The following IPP variants were observed in gnomAD, a reference collection of about 807,000 sequenced individuals.
The protein encoded by IPP is actin-binding protein IPP.
Under a neutral mutation model 64.1 loss-of-function variants are expected in IPP, and 41 were observed. The ratio of observed to expected loss-of-function variants is 0.64; its 90% CI spans 0.50 to 0.83. The LOEUF is 0.83. Among genes scored for constraint, IPP ranks in the 40% least tolerant of loss-of-function variants. The probability of loss-of-function intolerance (pLI) is 0.00; values close to 1 mark genes in which losing one functional copy is unlikely to be tolerated. For missense variants in IPP, 649 were observed against 703.0 expected (o/e 0.92, Z 0.87); for synonymous variants, 214 against 235.2 (o/e 0.91, Z 0.83).
chr1:45,701,901 A>T (rs1645459968), intron 8 of IPP, among the ~76,000 whole-genome samples: 1 of 152,202 alleles, frequency 6.6e-6, no homozygotes, highest in Non-Finnish European at 1.5e-5. Flanking sequence ...TGTGAACTTA[A>T]ATAAGATTAT....
intron 3 of IPP, among the ~76,000 whole-genome samples, chr1:45,730,050 T>C (rs1008673594): frequency 7.9e-5 from 12 of 152,166 alleles, no homozygotes; most frequent in African/African-American, 2.9e-4. Context: ...TATCCCCCCA[T>C]GCATAAGAAT....
In IPP at chr1:45,749,582, A is replaced by G. The variant is rs1272300457; in HGVS notation, c.-51+1015T>C. The stretch of plus-strand genomic sequence containing the variant: ...GTCGCCCAGGCTGGAGTGCAGTGGC[A>G]CGATCTCGGCTCACTGCAAGCTCCG... On this transcript the variant is annotated intron_variant, in intron 1 of 8. Transcript: ENST00000396478. 2.9e-5 allele frequency among the ~76,000 whole-genome samples: 4 copies of G among 139,262 alleles called. No individual in the cohort carries two copies. In the South Asian group the frequency reaches 6.8e-4, roughly 24 times the overall value. The allele number at this position is 139,262 out of a possible 152,430, so 91.4% of individuals were successfully genotyped here.
downstream of IPP, among the ~76,000 whole-genome samples, chr1:45,695,649 G>T (rs1404850572): frequency 6.6e-6 from 1 of 151,216 alleles, no homozygotes; most frequent in Non-Finnish European, 1.5e-5. Context: ...TAAGGATATA[G>T]ATCAGGATAT....
At chr1:45,712,291 C>CAAAAAAAA (rs1645600370) in intron 8 of IPP, among the ~76,000 whole-genome samples, 1 of 114,782 alleles carries the variant, frequency 8.7e-6, no homozygotes. Flanking sequence ...CTGAGCAAGA[C>CAAAAAAAA]GACGTCTAAA....
At chr1:45,743,819 G>A (rs868003818) in intron 2 of IPP, among the ~76,000 whole-genome samples, 1 of 151,358 alleles carries the variant, frequency 6.6e-6, no homozygotes, top group African/African-American at 2.4e-5. Context: ...GAGACCAGCC[G>A]GGCCAACATG....
intron 3 of IPP, among the ~76,000 whole-genome samples, chr1:45,736,168 GGCTA>G (rs1393978872): frequency 6.6e-6 from 1 of 151,664 alleles, no homozygotes; most frequent in East Asian, 1.9e-4. Context: ...GTTCAGCCCA[GGCTA>G]GTCTCAAACT....
chr1:45,710,182 G>A (rs1198984243), intron 8 of IPP, among the ~76,000 whole-genome samples: 18 of 98,384 alleles, frequency 1.8e-4, no homozygotes, highest in Admixed American at 1.4e-3. Flanking sequence ...CCGAGATCAC[G>A]CTACTGCACT....
intron 3 of IPP, among the ~76,000 whole-genome samples, chr1:45,740,246 T>A (rs1166341571): frequency 1.3e-5 from 2 of 152,160 alleles, no homozygotes; most frequent in African/African-American, 4.8e-5. Flanking sequence ...ACAGCAACCA[T>A]CCGATTTCTC....
chr1:45,723,863 A>T (rs1259152903), intron 5 of IPP, among the ~76,000 whole-genome samples: 1 of 151,152 alleles, frequency 6.6e-6, no homozygotes, highest in African/African-American at 2.4e-5. Context: ...ATTAATTACA[A>T]TTTTTTTTTA....
chr1:45,698,884 A>C lies in IPP; in HGVS notation c.*1082T>G, dbSNP rs1645413078. Reference sequence around the variant, plus strand: ...CAGGTACAAGCCACAACGCCCGGCTAATTTTTATATATTTTTTGGTAGAGA... The same window carrying C: ...CAGGTACAAGCCACAACGCCCGGCTCATTTTTATATATTTTTTGGTAGAGA... On this transcript the variant is annotated 3_prime_UTR_variant, in exon 9 of 9. Coordinates refer to ENST00000396478, the MANE Select transcript of IPP (RefSeq NM_005897.3). 3.1e-6 allele frequency: 1 copy of C among 321,528 alleles called. No individual in the cohort carries two copies. Among genetic ancestry groups the C allele is most frequent in the Non-Finnish European group, 4.5e-6 (1 of 223,504 alleles). The allele number at this position is 321,528 out of a possible 1,614,324, so 19.9% of individuals were successfully genotyped here.
rs994868614 is a variant in IPP at position 45,714,241 on chromosome 1, C to T, written c.1530+5G>A. 3 of 1,598,226 alleles carry T rather than the reference C, an allele frequency of 1.9e-6. No individual in the cohort carries two copies. The highest frequency in any genetic ancestry group is 2.6e-6 in the Non-Finnish European group (3 of 1,165,510). The stretch of plus-strand genomic sequence containing the variant: ...ATACTAAATATCTGAAATCATCCAA[C>T]CTACCTCTTCAAAGGAATATTTTTC... On this transcript the variant is annotated splice_donor_5th_base_variant and intron_variant, in intron 8 of 8. Coordinates refer to ENST00000396478, the MANE Select transcript of IPP (RefSeq NM_005897.3).
At position 45,746,253 on chromosome 1, in the gene IPP, C is replaced by T; in HGVS notation, c.159G>A (p.Leu53=). ...VGQESFKAHR[L]VLAASSPYFA... ...AGTAAGGACTGCTGGCAGCCAAAAC[C>T]AGCCGATGAGCTTTAAAACTTTCCT... Residue 53 remains leucine (L), a synonymous_variant, in exon 2 of 9, where the codon CTG becomes CTA. Coordinates refer to ENST00000396478, the MANE Select transcript of IPP (RefSeq NM_005897.3). 4 of 1,614,158 alleles carry T rather than the reference C, an allele frequency of 2.5e-6. No individual in the cohort carries two copies. Among genetic ancestry groups the T allele is most frequent in the Non-Finnish European group, 3.4e-6 (4 of 1,180,038 alleles).
chr1:45,695,221 G>A (rs1262521192), downstream of IPP, among the ~76,000 whole-genome samples: 1 of 152,204 alleles, frequency 6.6e-6, no homozygotes, highest in Non-Finnish European at 1.5e-5. Context: ...CCAGAGTGTA[G>A]TGGTGTGGTC....
rs1645850650 is a variant in IPP at position 45,727,774 on chromosome 1, C to A, written c.905G>T (p.Gly302Val). Residue 302 changes from glycine to valine, a missense_variant, in exon 5 of 9, where the codon GGT becomes GTT. By Grantham distance (109) the Gly-to-Val change is moderately radical (BLOSUM62 -3). Coordinates refer to ENST00000396478, the MANE Select transcript of IPP (RefSeq NM_005897.3). ...GAGGGCTCTGCTATCACTCCAGCGACCCCCCTGCAACCGAGTATATCCACC... is the reference window on the plus strand; with the variant it reads ...GAGGGCTCTGCTATCACTCCAGCGAACCCCCTGCAACCGAGTATATCCACC... ...AVGGYTRLQG[G>V]RWSDSRALSC... 1.3e-6 allele frequency: 2 copies of A among 1,563,640 alleles called. No homozygotes were observed. Among genetic ancestry groups the A allele is most frequent in the Admixed American group, 1.7e-5 (1 of 59,064 alleles).
chr1:45,718,902 CAAAAA>C (rs59512208), intron 6 of IPP, among the ~76,000 whole-genome samples: 1 of 54,296 alleles, frequency 1.8e-5, no homozygotes. Flanking sequence ...TTAATGAATA[CAAAAA>C]AAAAAAAAAA....
rs1646191802 is a variant in IPP, at chr1:45,749,614, G to A, written c.-51+983C>T. On this transcript the variant is annotated intron_variant, in intron 1 of 8. Transcript: ENST00000396478. The stretch of plus-strand genomic sequence containing the variant: ...CGGCTCACTGCAAGCTCCGCCTCCC[G>A]GGTTCACGCCATTCTCCTGCCTCAG... 2.1e-5 allele frequency among the ~76,000 whole-genome samples: 3 copies of A among 145,872 alleles called. No individual in the cohort carries two copies. The South Asian group carries it at 6.7e-4, about 33-fold the overall frequency.
chr1:45,745,083 G>T (rs1292340733), intron 2 of IPP, among the ~76,000 whole-genome samples: 1 of 151,968 alleles, frequency 6.6e-6, no homozygotes, highest in African/African-American at 2.4e-5. Context: ...TTTTGTTTTA[G>T]AAATGGGGTC....
intron 3 of IPP, 22 bp downstream of exon 3, chr1:45,740,879 C>T (rs777935645): frequency 1.4e-6 from 2 of 1,433,188 alleles, no homozygotes; most frequent in Non-Finnish European, 1.9e-6. Flanking sequence ...TCAACTAATT[C>T]GATATATAGC....
intron 1 of IPP, among the ~76,000 whole-genome samples, chr1:45,748,719 C>T (rs1324914593): frequency 6.6e-6 from 1 of 152,020 alleles, no homozygotes; most frequent in Non-Finnish European, 1.5e-5. Flanking sequence ...CGCCTTTAAT[C>T]CCAGCACTTT....
Sources: allele counts gnomAD v4.1 joint callset (sites outside exome capture counted in the v4.1 genomes callset), GRCh38; gene constraint gnomAD v4.1.1; transcripts MANE v1.5; gene names NCBI Gene and HGNC (gene_info 2026-07-23, HGNC 2026-07-21).